ESRRA: variants seen among roughly 807,000 people sequenced by gnomAD.
ESRRA encodes estrogen related receptor alpha, also known as steroid hormone receptor ERR1.
A neutral mutation model predicts 35.6 loss-of-function variants in ESRRA; 7 were observed. That is an observed-to-expected ratio of 0.20 (90% CI 0.11 to 0.37). The LOEUF (loss-of-function observed/expected upper bound fraction) is 0.37, where lower values mean the gene tolerates loss of function less well. Ranked by LOEUF, ESRRA falls within the 10% of genes least tolerant of loss-of-function variation. The pLI is 1.00. For synonymous variants in ESRRA, 223 were observed against 246.9 expected, an observed-to-expected ratio of 0.90 and a Z score of 0.91; for missense variants, 378 against 561.7, an observed-to-expected ratio of 0.67 and a Z score of 3.31.
At chr11:64,310,539 T>G (rs1303930475) in intron 2 of ESRRA, among the ~76,000 whole-genome samples, 1 of 98,444 alleles carries the variant, frequency 1.0e-5, no homozygotes, top group African/African-American at 3.5e-5. Context: ...TGGCCAGGTT[T>G]TTTTTTTTTT....
At position 64,316,100 on chromosome 11, in the gene ESRRA, T is replaced by G; in HGVS notation, c.*134T>G. On this transcript the variant is annotated 3_prime_UTR_variant, in exon 7 of 7. Transcript: ENST00000000442. Reference sequence around the variant, plus strand: ...GGGCCAGGGCAATGCCATCAGCCCCTGGGAACAGGCCCCACGCCCTCTCCT... The same window carrying G: ...GGGCCAGGGCAATGCCATCAGCCCCGGGGAACAGGCCCCACGCCCTCTCCT... 1.4e-5 allele frequency: 16 copies of G among 1,109,328 alleles called. No homozygotes were observed. The highest frequency in any genetic ancestry group is 2.1e-5 in the Non-Finnish European group (16 of 778,420). 68.7% of individuals were successfully genotyped at this position (1,109,328 alleles called of 1,614,324 possible).
intron 6 of ESRRA, among the ~76,000 whole-genome samples, 197 bp from the exon 7 acceptor site, chr11:64,315,510 A>C (rs534678274): frequency 6.6e-6 from 1 of 152,070 alleles, no homozygotes; most frequent in Admixed American, 6.5e-5. Context: ...TGGGGAGGGT[A>C]CAAGGTGGCC....
chr11:64,316,087 T>C lies in ESRRA; in HGVS notation c.*121T>C. On this transcript the variant is annotated 3_prime_UTR_variant, in exon 7 of 7. Coordinates refer to ENST00000000442, the MANE Select transcript of ESRRA (RefSeq NM_004451.5). ...CAGCCTGCTGGCAGGGCCAGGGCAA[T>C]GCCATCAGCCCCTGGGAACAGGCCC... The C allele has an allele frequency of 8.2e-7, 1 of 1,216,360 alleles. No individual in the cohort carries two copies. Among genetic ancestry groups the C allele is most frequent in the Non-Finnish European group, 1.1e-6 (1 of 872,498 alleles). The allele number at this position is 1,216,360 out of a possible 1,614,324, so 75.3% of individuals were successfully genotyped here.
rs1176454174 is a variant in ESRRA at position 64,315,641 on chromosome 11, C to G, written c.1013-66C>G. ...TCCTTAGGCCCCATCCAGCAGTGCT[C>G]AAGATACGGGGAGTGCCCTTGCCAG... On this transcript the variant is annotated intron_variant, in intron 6 of 6. Coordinates refer to ENST00000000442, the MANE Select transcript of ESRRA (RefSeq NM_004451.5). 4 of 1,585,342 alleles carry G rather than the reference C, an allele frequency of 2.5e-6. No homozygotes were observed. In the African/African-American group the frequency reaches 5.4e-5, roughly 21 times the overall value.
At position 64,315,216 on chromosome 11, in the gene ESRRA, C is replaced by T. The variant is rs200449192; in HGVS notation, c.958C>T (p.Arg320Trp). 6 of 1,607,942 alleles carry T rather than the reference C, an allele frequency of 3.7e-6. No individual in the cohort carries two copies. Among genetic ancestry groups the T allele is most frequent in the East Asian group, 4.5e-5 (2 of 44,776 alleles). The change falls in exon 6 of 7, where the codon CGG becomes TGG. Residue 320 changes from arginine to tryptophan, a missense_variant. Arg to Trp is a moderately radical substitution (Grantham distance 101). Around this residue, in one of 4 missense-constraint regions of ESRRA, gnomAD observed 284 missense variants for 411.7 expected, o/e 0.69. Transcript: ENST00000000442. ...LQLVRRLQALRLEREEYVLLK... is the reference protein window; with the variant it reads ...LQLVRRLQALWLEREEYVLLK... Reference sequence around the variant, plus strand: ...ACTAGTGCGGCGGCTGCAGGCCCTGCGGCTGGAGCGAGAGGAGTATGTTCT... The same window carrying T: ...ACTAGTGCGGCGGCTGCAGGCCCTGTGGCTGGAGCGAGAGGAGTATGTTCT...
chr11:64,312,371 C>T (rs2035157806), intron 2 of ESRRA, among the ~76,000 whole-genome samples: 1 of 152,070 alleles, frequency 6.6e-6, no homozygotes, highest in South Asian at 2.1e-4. Context: ...AACTTCTGAC[C>T]TCAGGTGATC....
intron 2 of ESRRA, among the ~76,000 whole-genome samples, chr11:64,312,769 C>T (rs1477854177): frequency 4.6e-5 from 7 of 152,154 alleles, no homozygotes; most frequent in Admixed American, 1.3e-4. Flanking sequence ...AGGGATTTGG[C>T]ATTATCACAG....
In ESRRA at chr11:64,313,047, C is replaced by G. The variant is rs1334142291; in HGVS notation, c.326-904C>G. 6.6e-6 allele frequency among the ~76,000 whole-genome samples: 1 copy of G among 152,126 alleles called. No individual in the cohort carries two copies. The highest frequency in any genetic ancestry group is 1.5e-5 in the Non-Finnish European group (1 of 68,030). On this transcript the variant is annotated intron_variant, in intron 2 of 6. Transcript: ENST00000000442. The surrounding 1 kb of genome is among the most constrained non-coding windows in gnomAD (Gnocchi z 4.0). ...TGTAATGGAGGCTTAATAGGACCCT[C>G]TTGGCTGCTGAGTCGAGAACAGACT...
chr11:64,315,305 C>T (rs748229245), intron 6 of ESRRA, 35 bp downstream of exon 6: 1 of 1,520,156 alleles, frequency 6.6e-7, no homozygotes, highest in South Asian at 1.3e-5. Flanking sequence ...GGTGAGGTGT[C>T]TCCGTAAGGT....
intron 2 of ESRRA, among the ~76,000 whole-genome samples, chr11:64,308,289 C>T (rs1348327639): frequency 6.6e-6 from 1 of 152,032 alleles, no homozygotes; most frequent in Non-Finnish European, 1.5e-5. Flanking sequence ...CCAAGGTGGG[C>T]GGATCACCTG....
At position 64,307,413 on chromosome 11, in the gene ESRRA, C is replaced by G; in HGVS notation, c.234C>G (p.Leu78=). 1 of 1,585,668 alleles carries G rather than the reference C, an allele frequency of 6.3e-7. No individual in the cohort carries two copies. The highest frequency in any genetic ancestry group is 8.6e-7 in the Non-Finnish European group (1 of 1,162,552). ...KLVLSSLPKR[L]CLVCGDVASG... The stretch of plus-strand genomic sequence containing the variant: ...TGCTCAGCTCCCTGCCCAAGCGCCT[C>G]TGCCTGGTCTGTGGGGACGTGGCCT... Residue 78 remains leucine, a synonymous_variant, in exon 2 of 7, where the codon CTC becomes CTG. Coordinates refer to ENST00000000442, the MANE Select transcript of ESRRA (RefSeq NM_004451.5).
intron 2 of ESRRA, among the ~76,000 whole-genome samples, chr11:64,311,624 C>T (rs1401127971): frequency 6.6e-6 from 1 of 151,814 alleles, no homozygotes; most frequent in African/African-American, 2.4e-5. Flanking sequence ...CCATGTTAGC[C>T]AGGATGGTCT....
chr11:64,316,385 G>GC lies in ESRRA; in HGVS notation c.*422dup, dbSNP rs2035265014. On this transcript the variant is annotated 3_prime_UTR_variant, in exon 7 of 7. Transcript: ENST00000000442. ...GCAGAGTGGGACTTGGAGAGCAAAG[G>GC]CCCATGCCCCCTTCGCTCCTCCTCT... The GC allele has an allele frequency of 5.0e-6, 1 of 198,176 alleles. No homozygotes were observed. 12.3% of individuals were successfully genotyped at this position (198,176 alleles called of 1,614,324 possible).
At chr11:64,307,803 C>G (rs951556154) in intron 2 of ESRRA, among the ~76,000 whole-genome samples, 4 of 152,160 alleles carry the variant, frequency 2.6e-5, no homozygotes, top group African/African-American at 9.7e-5. Flanking sequence ...AAGCTTTGTT[C>G]TTGTTTCTGG....
In ESRRA at chr11:64,314,240, A is replaced by G. The variant is rs1270855647; in HGVS notation, c.444A>G (p.Gly148=). 6 of 1,609,230 alleles carry G rather than the reference A, an allele frequency of 3.7e-6. No individual in the cohort carries two copies. Among genetic ancestry groups the G allele is most frequent in the Non-Finnish European group, 5.1e-6 (6 of 1,178,608 alleles). ...GTCCTATCTGTCCCACAATTCAAGG[A>G]GTGCGCCTGGACCGCGTCCGGGGTG... ...KCLRVGMLKE[G]VRLDRVRGGR... The change falls in exon 4 of 7, where the codon GGA becomes GGG. Residue 148 remains glycine (G), a splice_region_variant and synonymous_variant. Coordinates refer to ENST00000000442, the MANE Select transcript of ESRRA (RefSeq NM_004451.5).
rs1253533713 is a variant in ESRRA, at chr11:64,316,689, G to A, written c.*723G>A. 4.9e-6 allele frequency: 3 copies of A among 610,316 alleles called. No homozygotes were observed. Among genetic ancestry groups the A allele is most frequent in the Admixed American group, 3.0e-5 (1 of 33,466 alleles). 37.8% of individuals were successfully genotyped at this position (610,316 alleles called of 1,614,324 possible). A position where few individuals can be genotyped will look rare whatever the true frequency, so the allele number is the denominator to read the frequency against. On this transcript the variant is annotated 3_prime_UTR_variant, in exon 7 of 7. Coordinates refer to ENST00000000442, the MANE Select transcript of ESRRA (RefSeq NM_004451.5). Reference sequence around the variant, plus strand: ...TGTATATTTGCTGCAAAGAGAAACCGCTTTTGGTTTTAAACCTTTAATGAG... The same window carrying A: ...TGTATATTTGCTGCAAAGAGAAACCACTTTTGGTTTTAAACCTTTAATGAG...
intron 2 of ESRRA, among the ~76,000 whole-genome samples, chr11:64,312,701 G>A (rs2035165692): frequency 6.6e-6 from 1 of 152,220 alleles, no homozygotes; most frequent in African/African-American, 2.4e-5. Context: ...GTGGTCTGTT[G>A]TGCTGAGGGC....
Position 64,315,974 on chromosome 11 carries a change from G to A in ESRRA, c.*8G>A, listed in dbSNP as rs2035248504. On this transcript the variant is annotated 3_prime_UTR_variant, in exon 7 of 7. Transcript: ENST00000000442. ...GAGGCCATGATGGACTGAGGCAAGGGGTGGGACTGGTGGGGGTTCTGGCAG... is the reference window on the plus strand; with the variant it reads ...GAGGCCATGATGGACTGAGGCAAGGAGTGGGACTGGTGGGGGTTCTGGCAG... 6.5e-7 allele frequency: 1 copy of A among 1,549,850 alleles called. No homozygotes were observed. Among genetic ancestry groups the A allele is most frequent in the South Asian group, 1.2e-5 (1 of 81,902 alleles).
At position 64,305,919 on chromosome 11, in the gene ESRRA, G is replaced by A. The variant is rs1200515637; in HGVS notation, c.-13+183G>A. Among the ~76,000 whole-genome samples, 1 of 152,104 alleles carries A rather than the reference G, an allele frequency of 6.6e-6. No individual in the cohort carries two copies. The highest frequency in any genetic ancestry group is 6.5e-5 in the Admixed American group (1 of 15,276). The stretch of plus-strand genomic sequence containing the variant: ...GGTCAGGGTTCAGGCGGGATCCGGC[G>A]TCCGAGTCCTGGTGGGCCGGCCTGG... On this transcript the variant is annotated intron_variant, in intron 1 of 6. Coordinates refer to ENST00000000442, the MANE Select transcript of ESRRA (RefSeq NM_004451.5). This position sits in a 1 kb window ranked among gnomAD's most constrained non-coding sequence, Gnocchi z 5.8.
Sources: allele counts gnomAD v4.1 joint callset (sites outside exome capture counted in the v4.1 genomes callset), GRCh38; gene constraint gnomAD v4.1.1; regional missense constraint gnomAD v4.1.1; non-coding constraint Gnocchi (gnomAD v3.1); transcripts MANE v1.5; gene names NCBI Gene and HGNC (gene_info 2026-07-23, HGNC 2026-07-21).